The following RACGAP1 variants were observed in gnomAD, a reference collection of about 807,000 sequenced individuals.
RACGAP1 encodes rac GTPase-activating protein 1.
Under a neutral mutation model 78.1 loss-of-function variants are expected in RACGAP1, and 30 were observed. That is an observed-to-expected ratio of 0.38 (90% confidence interval 0.29 to 0.52). The LOEUF is 0.52. Ranked by LOEUF, RACGAP1 falls within the 20% of genes least tolerant of loss-of-function variation. RACGAP1 has a pLI of 0.82. For synonymous variants in RACGAP1, 231 were observed against 264.8 expected (o/e 0.87, Z 1.24); for missense variants, 587 against 777.1 (o/e 0.76, Z 2.91).
At chr12:49,994,071 A>G in intron 12 of RACGAP1, 60 bp downstream of exon 12, 1 of 1,410,008 alleles carries the variant, frequency 7.1e-7, no homozygotes, top group Non-Finnish European at 9.7e-7. Flanking sequence ...AAAAATAAAG[A>G]GAGTAAGAAA....
At chr12:49,990,569 A>C (rs2137202238) in intron 16 of RACGAP1, 115 bp downstream of exon 16, 1 of 899,684 alleles carries the variant, frequency 1.1e-6, no homozygotes. Flanking sequence ...TTCCCTTTTA[A>C]AGTCTAGTTG....
At chr12:49,994,727 T>A (rs1232716090) in intron 10 of RACGAP1, among the ~76,000 whole-genome samples, 1 of 152,200 alleles carries the variant, frequency 6.6e-6, no homozygotes, top group African/African-American at 2.4e-5. Flanking sequence ...CCACACTTTT[T>A]CTTTTTCATA....
chr12:49,991,519 C>T (rs1448966591), intron 15 of RACGAP1, among the ~76,000 whole-genome samples: 2 of 92,064 alleles, frequency 2.2e-5, no homozygotes, highest in South Asian at 7.6e-4. Flanking sequence ...GACAGAGTCT[C>T]ACTCTGTCAC....
rs755844955 is a variant in RACGAP1, at chr12:49,990,289, A to C, written c.1878T>G (p.Phe626Leu). The change falls in exon 17 of 17, where the codon TTT becomes TTG. Residue 626 changes from phenylalanine to leucine, a missense_variant. Transcript: ENST00000312377. The stretch of plus-strand genomic sequence containing the variant: ...GACTTCACTTGAGCATTGGAGAAGC[A>C]AAAAAGTTGCCTTGTCGTCCTAGGT... ...ATNLGRQGNF[F>L]ASPMLK is the part of the protein sequence containing the mutation. 2 of 1,613,802 alleles carry C rather than the reference A, an allele frequency of 1.2e-6. No individual in the cohort carries two copies. The highest frequency in any genetic ancestry group is 1.7e-6 in the Non-Finnish European group (2 of 1,179,688).
At chr12:50,010,968 G>A (rs142315008) in intron 2 of RACGAP1, among the ~76,000 whole-genome samples, 2 of 152,030 alleles carry the variant, frequency 1.3e-5, no homozygotes, top group East Asian at 3.9e-4. Flanking sequence ...AGAGAAAGAG[G>A]AATGAAGTTA....
At chr12:50,007,225 G>A (rs990235048) in intron 2 of RACGAP1, among the ~76,000 whole-genome samples, 4 of 151,064 alleles carry the variant, frequency 2.6e-5, no homozygotes, top group Non-Finnish European at 4.4e-5. Flanking sequence ...GCCCTGAAGG[G>A]TATGTAAACA....
At chr12:50,018,528 A>G (rs950571527) in intron 1 of RACGAP1, 1 of 1,288,122 alleles carries the variant, frequency 7.8e-7, no homozygotes. Flanking sequence ...TAAGTGCTAC[A>G]GGACAGAAAC....
intron 1 of RACGAP1, among the ~76,000 whole-genome samples, chr12:50,023,954 G>T (rs1051723975): frequency 6.6e-6 from 1 of 152,072 alleles, no homozygotes; most frequent in Non-Finnish European, 1.5e-5. Flanking sequence ...GAGGTCAGTA[G>T]ATCAAGACCA....
intron 1 of RACGAP1, chr12:50,017,176 T>C (rs1420229110): frequency 4.2e-6 from 3 of 712,098 alleles, no homozygotes; most frequent in East Asian, 2.6e-4. Flanking sequence ...AACTGCCTTT[T>C]AAAATGCAGG....
Position 50,004,380 on chromosome 12 carries a change from CCTA to C in RACGAP1, c.426-79_426-77del, listed in dbSNP as rs1948852790. On this transcript the variant is annotated intron_variant, in intron 4 of 16. Coordinates refer to ENST00000312377, the MANE Select transcript of RACGAP1 (RefSeq NM_001319999.2). Reference sequence around the variant, plus strand: ...AAATTCACCAACATTCAGAACAAGTCCTACTGGTCAGGTAACATCAGTTAATTT... The same window carrying C: ...AAATTCACCAACATTCAGAACAAGTCCTGGTCAGGTAACATCAGTTAATTT... 7 of 1,533,970 alleles carry C rather than the reference CCTA, an allele frequency of 4.6e-6. No individual in the cohort carries two copies. The Admixed American group carries it at 1.2e-4, about 27-fold the overall frequency.
chr12:49,991,477 ATATTTTTTTTTTTTT>A (rs1317468788), intron 15 of RACGAP1, among the ~76,000 whole-genome samples: 7 of 36,982 alleles, frequency 1.9e-4, no homozygotes, highest in Non-Finnish European at 3.5e-4. Context: ...ATATATATAT[ATATTTTTTTTTTTTT>A]TTTTTTTTTT....
intron 2 of RACGAP1, among the ~76,000 whole-genome samples, chr12:50,031,216 C>T (rs1446887701): frequency 3.3e-5 from 5 of 151,894 alleles, no homozygotes; most frequent in Non-Finnish European, 5.9e-5. Flanking sequence ...GTGGCTCACA[C>T]CTGTAATCCC....
intron 1 of RACGAP1, among the ~76,000 whole-genome samples, chr12:50,020,038 A>G (rs892878729): frequency 3.3e-5 from 5 of 152,188 alleles, no homozygotes; most frequent in Non-Finnish European, 7.3e-5. Context: ...CCAAATAAGG[A>G]TATCAGTAAA....
intron 4 of RACGAP1, 146 bp downstream of exon 4, chr12:50,005,110 A>C: frequency 1.8e-6 from 2 of 1,097,114 alleles, no homozygotes; most frequent in Non-Finnish European, 2.6e-6. Context: ...CTGTGCCTTT[A>C]TTCCCCACCT....
intron 2 of RACGAP1, among the ~76,000 whole-genome samples, chr12:50,008,332 G>C (rs1949100784): frequency 6.6e-6 from 1 of 151,402 alleles, no homozygotes; most frequent in Non-Finnish European, 1.5e-5. Context: ...CTGAGTAGCT[G>C]GGATTACAGG....
intron 9 of RACGAP1, among the ~76,000 whole-genome samples, chr12:49,998,686 C>A (rs1223222865): frequency 6.6e-6 from 1 of 151,958 alleles, no homozygotes; most frequent in Non-Finnish European, 1.5e-5. Context: ...AGCACTTGAG[C>A]CCAGGAGTTC....
chr12:50,017,124 A>G (rs1949724150), intron 1 of RACGAP1: 1 of 972,602 alleles, frequency 1.0e-6, no homozygotes, highest in Admixed American at 5.9e-5. Flanking sequence ...GTAACTTAAA[A>G]TATCTATTTT....
intron 2 of RACGAP1, among the ~76,000 whole-genome samples, chr12:50,031,094 T>C (rs879022145): frequency 6.6e-6 from 1 of 151,688 alleles, no homozygotes; most frequent in Non-Finnish European, 1.5e-5. Flanking sequence ...AAAATAAACT[T>C]GAAAAAAAAT....
chr12:50,027,256 G>T (rs1950285493), upstream of RACGAP1, among the ~76,000 whole-genome samples: 1 of 152,164 alleles, frequency 6.6e-6, no homozygotes, highest in Admixed American at 6.5e-5. Flanking sequence ...ACCTTTCAAG[G>T]TCAGGAGCAT....
Sources: allele counts gnomAD v4.1 joint callset (sites outside exome capture counted in the v4.1 genomes callset), GRCh38; gene constraint gnomAD v4.1.1; transcripts MANE v1.5; gene names NCBI Gene and HGNC (gene_info 2026-07-23, HGNC 2026-07-21).